The following TAB2 variants were observed in gnomAD, a reference collection of about 807,000 sequenced individuals.
TAB2 encodes TGF-beta activated kinase 1 (MAP3K7) binding protein 2, also known as TGF-beta-activated kinase 1 and MAP3K7-binding protein 2.
A neutral mutation model predicts 65.0 loss-of-function variants in TAB2; 3 were observed. The ratio of observed to expected loss-of-function variants is 0.05; its 90% CI spans 0.02 to 0.12. The LOEUF (loss-of-function observed/expected upper bound fraction) is 0.12. Among genes scored for constraint, TAB2 ranks in the 10% least tolerant of loss-of-function variants. The probability of loss-of-function intolerance (pLI) is 1.00; values close to 1 mark genes in which losing one functional copy is unlikely to be tolerated. For missense variants in TAB2, 623 were observed against 840.3 expected, an observed-to-expected ratio of 0.74 and a Z score of 3.20; for synonymous variants, 298 against 285.1, an observed-to-expected ratio of 1.05 and a Z score of -0.46.
At chr6:149,335,540 T>C (rs1365039076) in intron 1 of TAB2, among the ~76,000 whole-genome samples, 3 of 151,858 alleles carry the variant, frequency 2.0e-5, no homozygotes, top group African/African-American at 7.3e-5. Flanking sequence ...GCTAATACTT[T>C]TTTTCTAACT....
At chr6:149,391,672 G>T (rs1254802065) in intron 3 of TAB2, among the ~76,000 whole-genome samples, 1 of 152,002 alleles carries the variant, frequency 6.6e-6, no homozygotes, top group Non-Finnish European at 1.5e-5. Flanking sequence ...ATCTGGAGTA[G>T]CTGAGACTAC....
intron 6 of TAB2, among the ~76,000 whole-genome samples, chr6:149,406,235 A>C (rs1286192904): frequency 6.6e-6 from 1 of 152,192 alleles, no homozygotes; most frequent in Non-Finnish European, 1.5e-5. Flanking sequence ...CAGAGATAAA[A>C]ATTATTTGTG....
chr6:149,370,772 A>G (rs1781198085), intron 2 of TAB2, among the ~76,000 whole-genome samples: 1 of 152,142 alleles, frequency 6.6e-6, no homozygotes, highest in African/African-American at 2.4e-5. Flanking sequence ...TTTGTATCAG[A>G]AATGTATTTG....
chr6:149,375,545 C>G (rs751725999), intron 2 of TAB2, among the ~76,000 whole-genome samples: 5 of 151,912 alleles, frequency 3.3e-5, no homozygotes, highest in Non-Finnish European at 7.4e-5. Flanking sequence ...ATATGAGTAT[C>G]AAGCTTTTAC....
chr6:149,299,188 G>A (rs1233691137), intron 1 of TAB2, among the ~76,000 whole-genome samples: 1 of 152,204 alleles, frequency 6.6e-6, no homozygotes, highest in Non-Finnish European at 1.5e-5. Context: ...TCATGGTATA[G>A]CATTGGCTTG....
chr6:149,306,323 A>C (rs1194273470), intron 1 of TAB2, among the ~76,000 whole-genome samples: 2 of 151,994 alleles, frequency 1.3e-5, no homozygotes, highest in Non-Finnish European at 2.9e-5. Flanking sequence ...GGCTGATCAC[A>C]AGGTCAGGAG....
In TAB2 at chr6:149,317,840, C is replaced by T; in HGVS notation, c.-265C>T. ...GGCGGCGGCGGGCGAGCGGAGGGGG[C>T]TGAGCGGGGAGGGAGGGAGGGCTGA... On this transcript the variant is annotated 5_prime_UTR_variant, in exon 1 of 7. Coordinates refer to ENST00000637181, the MANE Select transcript of TAB2 (RefSeq NM_001292034.3). The surrounding 1 kb of genome is among the most constrained non-coding windows in gnomAD (Gnocchi z 4.7). The T allele has an allele frequency of 6.3e-6, 1 of 159,892 alleles. No individual in the cohort carries two copies. The highest frequency in any genetic ancestry group is 1.4e-5 in the Non-Finnish European group (1 of 73,998). The allele number at this position is 159,892 out of a possible 1,614,324, so 9.9% of individuals were successfully genotyped here. A position where few individuals can be genotyped will look rare whatever the true frequency, so the allele number is the denominator to read the frequency against.
chr6:149,320,501 A>G (rs1779409064), intron 1 of TAB2, among the ~76,000 whole-genome samples: 1 of 151,556 alleles, frequency 6.6e-6, no homozygotes, highest in Admixed American at 6.6e-5. Flanking sequence ...TACATCCGTA[A>G]TTTTCCCAGT....
intron 1 of TAB2, among the ~76,000 whole-genome samples, chr6:149,344,894 A>G (rs1017162460): frequency 2.0e-5 from 3 of 152,222 alleles, no homozygotes; most frequent in East Asian, 1.9e-4. Context: ...CATTTAGCAC[A>G]GGACTTGGCT....
intron 1 of TAB2, among the ~76,000 whole-genome samples, chr6:149,264,181 A>G (rs1436506009): frequency 6.6e-6 from 1 of 152,168 alleles, no homozygotes; most frequent in Non-Finnish European, 1.5e-5. Flanking sequence ...GGCAAGTACT[A>G]GGGACCTGGA....
At chr6:149,300,305 T>G (rs1309503180) in intron 1 of TAB2, among the ~76,000 whole-genome samples, 1 of 151,940 alleles carries the variant, frequency 6.6e-6, no homozygotes, top group African/African-American at 2.4e-5. Context: ...TACAACAGAG[T>G]GGTTTTGATC....
In TAB2 at chr6:149,369,934, T is replaced by C; in HGVS notation, c.-64T>C. 1 of 1,356,432 alleles carries C rather than the reference T, an allele frequency of 7.4e-7. No individual in the cohort carries two copies. Among genetic ancestry groups the C allele is most frequent in the Non-Finnish European group, 1.1e-6 (1 of 945,140 alleles). The allele number at this position is 1,356,432 out of a possible 1,614,324, so 84.0% of individuals were successfully genotyped here. On this transcript the variant is annotated 5_prime_UTR_variant, in exon 2 of 7. Coordinates refer to ENST00000637181, the MANE Select transcript of TAB2 (RefSeq NM_001292034.3). The stretch of plus-strand genomic sequence containing the variant: ...AAAATGCTTGGACAGAAGAGATGAG[T>C]ACTATTTCCACTAAGGCCTAGAATT...
chr6:149,346,898 T>A (rs1054236036), intron 1 of TAB2, among the ~76,000 whole-genome samples: 1 of 152,198 alleles, frequency 6.6e-6, no homozygotes, highest in Admixed American at 6.5e-5. Flanking sequence ...AATTGGTTCC[T>A]TCAAGTGCTT....
intron 1 of TAB2, among the ~76,000 whole-genome samples, chr6:149,328,886 G>A (rs1481615027): frequency 6.6e-6 from 1 of 152,158 alleles, no homozygotes; most frequent in Non-Finnish European, 1.5e-5. Flanking sequence ...CCTAGGAAAG[G>A]TGACACTTAA....
chr6:149,261,022 G>A (rs1778142878), intron 1 of TAB2, among the ~76,000 whole-genome samples: 1 of 152,140 alleles, frequency 6.6e-6, no homozygotes. Flanking sequence ...CTCTGAATTT[G>A]AATTTTCTTT....
intron 1 of TAB2, among the ~76,000 whole-genome samples, chr6:149,339,605 A>AAT (rs1780048331): frequency 9.0e-4 from 46 of 51,152 alleles, no homozygotes; most frequent in African/African-American, 2.8e-3. Flanking sequence ...TTATTTATTT[A>AAT]TTTTTTTTTT....
intron 1 of TAB2, among the ~76,000 whole-genome samples, chr6:149,327,171 C>T (rs1337483305): frequency 1.3e-5 from 2 of 152,042 alleles, no homozygotes; most frequent in African/African-American, 4.8e-5. Context: ...TTACACTTTT[C>T]TTTTATACTA....
intron 6 of TAB2, 85 bp from the exon 7 acceptor site, chr6:149,409,492 C>A: frequency 8.1e-7 from 1 of 1,227,076 alleles, no homozygotes; most frequent in Non-Finnish European, 1.2e-6. Context: ...TCAGGCTGTG[C>A]ACTACAAATG....
At chr6:149,381,909 CTCAGCAA>C (rs1237439588) in intron 3 of TAB2, among the ~76,000 whole-genome samples, 27 of 152,264 alleles carry the variant, frequency 1.8e-4, no homozygotes, top group African/African-American at 6.5e-4. Flanking sequence ...CTACTGTGGT[CTCAGCAA>C]TCATCACCTT....
Sources: allele counts gnomAD v4.1 joint callset (sites outside exome capture counted in the v4.1 genomes callset), GRCh38; gene constraint gnomAD v4.1.1; non-coding constraint Gnocchi (gnomAD v3.1); transcripts MANE v1.5; gene names NCBI Gene and HGNC (gene_info 2026-07-23, HGNC 2026-07-21).